The following NSD1 variants were observed in gnomAD, a reference collection of about 807,000 sequenced individuals.
The protein encoded by NSD1 is histone-lysine N-methyltransferase, H3 lysine-36 specific.
Under a neutral mutation model 242.7 loss-of-function variants are expected in NSD1, and 26 were observed. The ratio of observed to expected loss-of-function variants is 0.11; its 90% CI spans 0.08 to 0.15. The LOEUF (loss-of-function observed/expected upper bound fraction) is 0.15. Among genes scored for constraint, NSD1 ranks in the 10% least tolerant of loss-of-function variants. The probability of loss-of-function intolerance (pLI) is 1.00; values close to 1 mark genes in which losing one functional copy is unlikely to be tolerated. For missense variants in NSD1, 2,495 were observed against 3,272.8 expected (o/e 0.76, Z 5.80); for synonymous variants, 1,106 against 1,178.1 (o/e 0.94, Z 1.25).
In NSD1 at chr5:177,158,250, TTTCTTTC is replaced by T. The variant is rs760204914; in HGVS notation, c.927+22223_927+22229del. Among the ~76,000 whole-genome samples, 223 of 86,692 alleles carry T rather than the reference TTTCTTTC, an allele frequency of 2.6e-3. 2 individuals are homozygous for T. Among genetic ancestry groups the T allele is most frequent in the South Asian group, 5.1e-3 (15 of 2,922 alleles). The allele number at this position is 86,692 out of a possible 152,430, so 56.9% of individuals were successfully genotyped here. The stretch of plus-strand genomic sequence containing the variant: ...ATATGGGTTCTAATTTCTTTCTTTC[TTTCTTTC>T]TTTCTTTCTTTCTTTCTTTCTTTCT... On this transcript the variant is annotated intron_variant, in intron 2 of 22. Coordinates refer to ENST00000439151, the MANE Select transcript of NSD1 (RefSeq NM_022455.5).
intron 2 of NSD1, among the ~76,000 whole-genome samples, chr5:177,156,174 A>ATTTTTTTTTTTTTTTTTTTTTTTTTTTT (rs34417228): frequency 1.3e-5 from 1 of 78,008 alleles, no homozygotes; most frequent in East Asian, 4.3e-4. Flanking sequence ...CTCTTTTCAG[A>ATTTTTTTTTTTTTTTTTTTTTTTTTTTT]TTTTTTTTTT....
chr5:177,227,598 A>G (rs1764730464), intron 5 of NSD1, among the ~76,000 whole-genome samples: 1 of 151,788 alleles, frequency 6.6e-6, no homozygotes. Flanking sequence ...GCGCCACCAC[A>G]TCGGGCTAAT....
chr5:177,135,017 G>A, intron 1 of NSD1, 70 bp from the exon 2 acceptor site: 1 of 1,363,650 alleles, frequency 7.3e-7, no homozygotes, highest in Non-Finnish European at 1.0e-6. Flanking sequence ...CCTTGAAGTG[G>A]CTGCCATTTT....
In NSD1 at chr5:177,211,035, C is replaced by A; in HGVS notation, c.2636C>A (p.Ser879Tyr). ...TCCTTAGGTGAGGATGTCAGTGACTCTGGAACATCAAAGCCATCAAAACCA... is the reference window on the plus strand; with the variant it reads ...TCCTTAGGTGAGGATGTCAGTGACTATGGAACATCAAAGCCATCAAAACCA... ...YRSLGEDVSD[S>Y]GTSKPSKPLL... is the part of the protein sequence containing the mutation. The change falls in exon 5 of 23, where the codon TCT (serine) becomes TAT (tyrosine). Residue 879 changes from serine (S) to tyrosine (Y), a missense_variant. Physicochemically the swap from Ser to Tyr is moderately radical, Grantham distance 144. This residue lies in a region of NSD1 where 121 missense variants were observed against 167.2 expected (regional missense o/e 0.72). Coordinates refer to ENST00000439151, the MANE Select transcript of NSD1 (RefSeq NM_022455.5). 1 of 1,614,212 alleles carries A rather than the reference C, an allele frequency of 6.2e-7. No individual in the cohort carries two copies. The highest frequency in any genetic ancestry group is 1.1e-5 in the South Asian group (1 of 91,086).
intron 20 of NSD1, chr5:177,288,412 G>T (rs557277044): frequency 6.4e-5 from 17 of 264,104 alleles, no homozygotes; most frequent in African/African-American, 3.9e-4. Context: ...CCAGAGTGCT[G>T]CCAGGTAACA....
intron 5 of NSD1, among the ~76,000 whole-genome samples, chr5:177,222,941 T>C (rs1314699247): frequency 6.6e-6 from 1 of 152,242 alleles, no homozygotes; most frequent in Non-Finnish European, 1.5e-5. Flanking sequence ...TTCTTGGTTA[T>C]GAGGATTTAC....
rs1760220349 is a variant in NSD1, at chr5:177,295,816, G to A, written c.*357G>A. 6.8e-6 allele frequency: 3 copies of A among 438,228 alleles called. No homozygotes were observed. Among genetic ancestry groups the A allele is most frequent in the East Asian group, 3.9e-5 (1 of 25,640 alleles). The allele number at this position is 438,228 out of a possible 1,614,324, so 27.1% of individuals were successfully genotyped here. On this transcript the variant is annotated 3_prime_UTR_variant, in exon 23 of 23. Transcript: ENST00000439151. This position sits in a 1 kb window ranked among gnomAD's most constrained non-coding sequence, Gnocchi z 4.3. ...TGGAAGGTATAGGGGCTCTCAAAGC[G>A]ATTTCCCCAACCAGACAGAGCCCCA...
chr5:177,176,012 A>G (rs1470246674), intron 2 of NSD1, among the ~76,000 whole-genome samples: 1 of 151,314 alleles, frequency 6.6e-6, no homozygotes, highest in Non-Finnish European at 1.5e-5. Flanking sequence ...AGTAGCTGGG[A>G]TTATAGGCAC....
intron 2 of NSD1, among the ~76,000 whole-genome samples, chr5:177,161,524 A>G (rs933333584): frequency 1.3e-5 from 2 of 151,962 alleles, no homozygotes; most frequent in Middle Eastern, 3.4e-3. Flanking sequence ...GGGTCTTACT[A>G]TTTTGCCCAG....
chr5:177,166,846 A>T (rs1047065420), intron 2 of NSD1, among the ~76,000 whole-genome samples: 1 of 151,224 alleles, frequency 6.6e-6, no homozygotes, highest in African/African-American at 2.4e-5. Flanking sequence ...GGTTCAAGCA[A>T]TTCTCTTGCC....
chr5:177,265,785 C>A, intron 14 of NSD1: 1 of 1,415,166 alleles, frequency 7.1e-7, no homozygotes, highest in Non-Finnish European at 1.0e-6. Flanking sequence ...GTGGAGAAGC[C>A]GGTCCCTCCG....
chr5:177,160,033 G>A (rs895956132), intron 2 of NSD1, among the ~76,000 whole-genome samples: 3 of 152,044 alleles, frequency 2.0e-5, no homozygotes, highest in African/African-American at 4.8e-5. Flanking sequence ...GGGACCACAG[G>A]TGTGCACCAC....
intron 2 of NSD1, among the ~76,000 whole-genome samples, chr5:177,148,351 C>G (rs1195027622): frequency 6.6e-6 from 1 of 152,138 alleles, no homozygotes; most frequent in African/African-American, 2.4e-5. Context: ...CTCTTGACCC[C>G]AGGTGATCCA....
intron 3 of NSD1, among the ~76,000 whole-genome samples, chr5:177,201,732 T>C (rs1178986812): frequency 6.6e-6 from 1 of 151,648 alleles, no homozygotes. Context: ...CTACTTTTTG[T>C]ATTTTTAGTA....
At chr5:177,219,193 G>GA (rs1465449267) in intron 5 of NSD1, among the ~76,000 whole-genome samples, 1 of 143,830 alleles carries the variant, frequency 7.0e-6, no homozygotes, top group East Asian at 2.0e-4. Flanking sequence ...TAAGTTTTGT[G>GA]TTTTTTTTTT....
intron 2 of NSD1, among the ~76,000 whole-genome samples, chr5:177,170,224 C>T (rs1013064332): frequency 1.7e-4 from 26 of 151,790 alleles, no homozygotes; most frequent in East Asian, 5.8e-4. Context: ...TGCCCGCCTC[C>T]GCCTCCCAAA....
At chr5:177,292,227 C>A in intron 22 of NSD1, 69 bp downstream of exon 22, 1 of 1,512,558 alleles carries the variant, frequency 6.6e-7, no homozygotes, top group Non-Finnish European at 9.1e-7. Flanking sequence ...ATGCCATTTG[C>A]ATCAGCCTTG....
intron 5 of NSD1, among the ~76,000 whole-genome samples, chr5:177,225,960 C>G (rs766199550): frequency 6.6e-6 from 1 of 152,138 alleles, no homozygotes; most frequent in African/African-American, 2.4e-5. Flanking sequence ...AGTATATATA[C>G]GTTGTTTGTA....
intron 16 of NSD1, among the ~76,000 whole-genome samples, chr5:177,272,387 T>A (rs2127238416): frequency 6.6e-6 from 1 of 152,124 alleles, no homozygotes; most frequent in East Asian, 1.9e-4. Flanking sequence ...GGTAGATGGC[T>A]ACAAGGAAAT....
Sources: gnomAD v4.1 joint callset for allele counts (sites outside exome capture counted in the v4.1 genomes callset) on GRCh38, gnomAD v4.1.1 for gene constraint, gnomAD v4.1.1 regional missense constraint, Gnocchi (gnomAD v3.1) non-coding constraint, MANE v1.5 for transcripts, NCBI Gene and HGNC (gene_info 2026-07-23, HGNC 2026-07-21) for gene names.